The following GALNT10 variants were observed in gnomAD, a reference collection of about 807,000 sequenced individuals.
GALNT10 encodes the protein polypeptide N-acetylgalactosaminyltransferase 10, also known as GalNAc transferase 10.
In GALNT10, 41 loss-of-function variants were observed where a neutral mutation model predicts 75.0. The ratio of observed to expected loss-of-function variants is 0.55; its 90% CI spans 0.43 to 0.71. The LOEUF is 0.71. GALNT10 is among the 30% of genes least tolerant of loss of function. The pLI is 0.00. For missense variants in GALNT10, 727 were observed against 818.5 expected (o/e 0.89, Z 1.36); for synonymous variants, 302 against 313.0 (o/e 0.96, Z 0.37).
At position 154,415,951 on chromosome 5, in the gene GALNT10, G is replaced by A. The variant is rs768239597; in HGVS notation, c.1653+19G>A. On this transcript the variant is annotated intron_variant, in intron 11 of 11. Transcript: ENST00000297107. ...CCGCAAAGTAAGATGGGATGCGGGG[G>A]GAGCAGGGCACCTGCTTAATTTTTT... 6.2e-7 allele frequency: 1 copy of A among 1,610,430 alleles called. No homozygotes were observed. Among genetic ancestry groups the A allele is most frequent in the South Asian group, 1.1e-5 (1 of 90,954 alleles).
intron 4 of GALNT10, among the ~76,000 whole-genome samples, chr5:154,369,490 G>A (rs79796892): frequency 0.018 from 2,765 of 152,252 alleles, 84 homozygotes; most frequent in African/African-American, 0.064. Context: ...AAATCTTGAC[G>A]ATGATAAAGG....
chr5:154,356,256 C>G, intron 4 of GALNT10: 1 of 452,910 alleles, frequency 2.2e-6, no homozygotes, highest in South Asian at 1.6e-5. Context: ...CTTCTGCACC[C>G]GTTGCTTTTG....
intron 3 of GALNT10, among the ~76,000 whole-genome samples, chr5:154,323,886 C>T (rs1754713657): frequency 1.3e-5 from 2 of 152,214 alleles, no homozygotes; most frequent in Admixed American, 6.5e-5. Context: ...CTGTGGAGTG[C>T]CGCAGCACTG....
chr5:154,281,218 T>A (rs187001145), intron 1 of GALNT10, among the ~76,000 whole-genome samples: 1 of 152,366 alleles, frequency 6.6e-6, no homozygotes, highest in East Asian at 1.9e-4. Flanking sequence ...TCCATTTATT[T>A]AGATCTTTGA....
At chr5:154,204,409 A>G (rs962758798) in intron 1 of GALNT10, among the ~76,000 whole-genome samples, 4 of 152,154 alleles carry the variant, frequency 2.6e-5, no homozygotes, top group African/African-American at 9.7e-5. Context: ...TCCATTCTTT[A>G]TGCACAGCCC....
At position 154,416,784 on chromosome 5, in the gene GALNT10, T is replaced by A. The variant is rs767631290; in HGVS notation, c.1654-30T>A. On this transcript the variant is annotated intron_variant, in intron 11 of 11. Transcript: ENST00000297107. The surrounding 1 kb of genome is among the most constrained non-coding windows in gnomAD (Gnocchi z 4.5). ...TTGACTGGCCACATGTCTCCAGTGC[T>A]GTCTGGCTTATTACCTCCATGTTTT... 3.2e-6 allele frequency: 5 copies of A among 1,575,540 alleles called. No homozygotes were observed. Among genetic ancestry groups the A allele is most frequent in the Middle Eastern group, 3.3e-4 (2 of 5,978 alleles).
At position 154,363,404 on chromosome 5, in the gene GALNT10, A is replaced by AC. The variant is rs1755421167; in HGVS notation, c.569-12871dup. 1.3e-5 allele frequency among the ~76,000 whole-genome samples: 2 copies of AC among 148,382 alleles called. 1 individual carries two copies. Among genetic ancestry groups the AC allele is most frequent in the Admixed American group, 1.4e-4 (2 of 14,424 alleles). ...TATTTTATGTCCAAAAATGGAGACC[A>AC]CCTGTATCAATTTTGGTGTGTCTTT... On this transcript the variant is annotated intron_variant, in intron 4 of 11. Transcript: ENST00000297107.
At chr5:154,365,188 G>A (rs987779616) in intron 4 of GALNT10, among the ~76,000 whole-genome samples, 1 of 152,190 alleles carries the variant, frequency 6.6e-6, no homozygotes, top group Non-Finnish European at 1.5e-5. Flanking sequence ...TCTGGGAGCT[G>A]GCTGGTGGAT....
intron 1 of GALNT10, among the ~76,000 whole-genome samples, chr5:154,249,567 C>T (rs986913925): frequency 1.3e-5 from 2 of 152,102 alleles, no homozygotes; most frequent in African/African-American, 2.4e-5. Flanking sequence ...TCCAGCCCCC[C>T]CCAGTAACTT....
At position 154,322,660 on chromosome 5, in the gene GALNT10, G is replaced by C. The variant is rs181489852; in HGVS notation, c.402-6912G>C. On this transcript the variant is annotated intron_variant, in intron 3 of 11. Transcript: ENST00000297107. The stretch of plus-strand genomic sequence containing the variant: ...GCAGTTGTTCTTTCTGAGCCTGCCT[G>C]GTCCTCAGGTTCCCTCTTCTGGGCC... Among the ~76,000 whole-genome samples, 145 of 152,272 alleles carry C rather than the reference G, an allele frequency of 9.5e-4. 1 individual carries two copies. The highest frequency in any genetic ancestry group is 3.4e-3 in the Middle Eastern group (1 of 294).
chr5:154,406,976 G>C (rs1343227985), intron 8 of GALNT10, among the ~76,000 whole-genome samples: 1 of 152,152 alleles, frequency 6.6e-6, no homozygotes, highest in Non-Finnish European at 1.5e-5. Flanking sequence ...ACAGCCTTGA[G>C]GTAGAAGCAG....
chr5:154,313,789 C>T (rs1173711238), intron 3 of GALNT10, among the ~76,000 whole-genome samples: 2 of 152,076 alleles, frequency 1.3e-5, no homozygotes. Flanking sequence ...AGGAAAGAGG[C>T]TTACAATCAG....
intron 3 of GALNT10, among the ~76,000 whole-genome samples, chr5:154,320,441 G>A (rs112361275): frequency 0.015 from 2,279 of 152,150 alleles, 49 homozygotes; most frequent in African/African-American, 0.045. Flanking sequence ...TATTTCACCC[G>A]TGGACCCCAG....
chr5:154,192,807 G>A (rs1774879593), intron 1 of GALNT10, among the ~76,000 whole-genome samples: 1 of 152,080 alleles, frequency 6.6e-6, no homozygotes, highest in South Asian at 2.1e-4. Flanking sequence ...CTAAAATAGT[G>A]CTTGACATTC....
intron 1 of GALNT10, among the ~76,000 whole-genome samples, chr5:154,244,190 T>TG (rs1753385934): frequency 6.6e-6 from 1 of 152,158 alleles, no homozygotes; most frequent in Non-Finnish European, 1.5e-5. Context: ...GCCTAGCAAG[T>TG]GATGGATTAC....
intron 3 of GALNT10, among the ~76,000 whole-genome samples, chr5:154,317,484 T>C (rs953819528): frequency 5.3e-5 from 8 of 152,194 alleles, no homozygotes; most frequent in Non-Finnish European, 1.0e-4. Context: ...ACAAGCAAGC[T>C]GAGTTATCTC....
At chr5:154,277,589 T>C (rs1241977866) in intron 1 of GALNT10, among the ~76,000 whole-genome samples, 2 of 152,008 alleles carry the variant, frequency 1.3e-5, no homozygotes, top group Non-Finnish European at 1.5e-5. Context: ...ATGAAAGAAA[T>C]TCAAATGCAT....
chr5:154,242,789 C>T (rs779218568), intron 1 of GALNT10, among the ~76,000 whole-genome samples: 3 of 152,198 alleles, frequency 2.0e-5, no homozygotes, highest in Non-Finnish European at 4.4e-5. Flanking sequence ...AGATATAACC[C>T]ATGCATTTTA....
chr5:154,409,733 G>T lies in GALNT10; in HGVS notation c.1357G>T (p.Val453Leu). Residue 453 changes from valine (V) to leucine (L), a missense_variant, in exon 9 of 12, where the codon GTG becomes TTG. Coordinates refer to ENST00000297107, the MANE Select transcript of GALNT10 (RefSeq NM_198321.4). The surrounding 1 kb of genome is among the most constrained non-coding windows in gnomAD (Gnocchi z 4.5). ...AWDLPKFYPP[V>L]EPPAAAWGEI... ...GGACCTGCCCAAATTCTACCCACCC[G>T]TGGAGCCCCCGGCTGCAGCTTGGGG... is the stretch of plus-strand genomic sequence containing the variant. 6.2e-7 allele frequency: 1 copy of T among 1,614,004 alleles called. No homozygotes were observed. Among genetic ancestry groups the T allele is most frequent in the Non-Finnish European group, 8.5e-7 (1 of 1,179,894 alleles).
Sources: gnomAD v4.1 joint callset for allele counts (sites outside exome capture counted in the v4.1 genomes callset) on GRCh38, gnomAD v4.1.1 for gene constraint, Gnocchi (gnomAD v3.1) non-coding constraint, MANE v1.5 for transcripts, NCBI Gene and HGNC (gene_info 2026-07-23, HGNC 2026-07-21) for gene names.